The following FAM227A variants were observed in gnomAD, a reference collection of about 807,000 sequenced individuals.
FAM227A encodes the protein protein FAM227A.
FAM227A carries 80 observed loss-of-function variants against 74.7 expected under a neutral mutation model. The observed-to-expected ratio is 1.07, with a 90% confidence interval of 0.89 to 1.29. FAM227A has a LOEUF of 1.29. FAM227A is among the 50% of genes most tolerant of loss of function. The pLI, the probability that FAM227A is intolerant of heterozygous loss-of-function variation, is 0.00. For synonymous variants in FAM227A, 237 were observed against 241.8 expected (o/e 0.98, Z 0.19); for missense variants, 654 against 683.4 (o/e 0.96, Z 0.48).
rs1303880454 is a variant in FAM227A at position 38,582,685 on chromosome 22, G to A, written c.*3440C>T. The A allele has an allele frequency of 5.6e-6, 5 of 888,184 alleles. No individual in the cohort carries two copies. The East Asian group carries it at 1.3e-4, about 24-fold the overall frequency. 55.0% of individuals were successfully genotyped at this position (888,184 alleles called of 1,614,324 possible). The stretch of plus-strand genomic sequence containing the variant: ...GACTGTGCAACAAATGGTCCTGACA[G>A]ACAGAAATGCAGTTTGTCCTGGGCT... On this transcript the variant is annotated 3_prime_UTR_variant, in exon 17 of 17. Coordinates refer to ENST00000535113, the MANE Select transcript of FAM227A (RefSeq NM_001013647.2).
Position 38,579,344 on chromosome 22 carries a change from G to GA in FAM227A, c.*6780dup, listed in dbSNP as rs2090686805. The GA allele has an allele frequency of 6.6e-6, 1 of 152,182 alleles. No homozygotes were observed. The highest frequency in any genetic ancestry group is 2.4e-5 in the African/African-American group (1 of 41,442). The allele number at this position is 152,182 out of a possible 1,614,324, so 9.4% of individuals were successfully genotyped here. On this transcript the variant is annotated 3_prime_UTR_variant, in exon 17 of 17. Transcript: ENST00000535113. The stretch of plus-strand genomic sequence containing the variant: ...TGAAGTATGTGGGCTCCTGTGTGGA[G>GA]AACTGATTGGAGGGGCAAGAGAAAG...
intron 10 of FAM227A, among the ~76,000 whole-genome samples, chr22:38,622,880 A>G (rs952720749): frequency 1.0e-4 from 15 of 150,308 alleles, no homozygotes; most frequent in Non-Finnish European, 1.9e-4. Context: ...TCTCAAAAAA[A>G]AAAAAAAAAA....
chr22:38,613,208 A>G (rs2091472929), intron 11 of FAM227A, among the ~76,000 whole-genome samples: 2 of 69,832 alleles, frequency 2.9e-5, no homozygotes, highest in African/African-American at 6.1e-5. Flanking sequence ...TATATTATAT[A>G]TATCTATGCT....
chr22:38,635,713 C>T (rs1168812774), intron 6 of FAM227A, among the ~76,000 whole-genome samples: 1 of 152,118 alleles, frequency 6.6e-6, no homozygotes, highest in African/African-American at 2.4e-5. Flanking sequence ...AAGCAATTGG[C>T]TGGGCATAGT....
intron 3 of FAM227A, among the ~76,000 whole-genome samples, chr22:38,644,368 T>TGC: frequency 6.6e-6 from 1 of 151,220 alleles, no homozygotes; most frequent in African/African-American, 2.4e-5. Flanking sequence ...GAAACTATGC[T>TGC]GTGTGACACT....
intron 14 of FAM227A, among the ~76,000 whole-genome samples, chr22:38,598,660 C>T (rs569718395): frequency 1.3e-5 from 2 of 152,234 alleles, no homozygotes; most frequent in Non-Finnish European, 2.9e-5. Flanking sequence ...AGACGTGGAT[C>T]ATCCCAGCCC....
chr22:38,620,190 T>G (rs2091657856), intron 11 of FAM227A, 22 bp downstream of exon 11: 1 of 1,536,958 alleles, frequency 6.5e-7, no homozygotes, highest in Admixed American at 2.0e-5. Context: ...AAAGGGGTCC[T>G]GGTCCGTGCC....
intron 12 of FAM227A, among the ~76,000 whole-genome samples, chr22:38,607,176 C>CAAAAAAA (rs528873313): frequency 1.8e-5 from 1 of 55,674 alleles, no homozygotes; most frequent in African/African-American, 6.0e-5. Context: ...GACTTCATCT[C>CAAAAAAA]AAAAAAAAAA....
chr22:38,613,424 T>TATATAATATATATTATATA (rs71197123), intron 11 of FAM227A, among the ~76,000 whole-genome samples: 8 of 113,522 alleles, frequency 7.0e-5, no homozygotes, highest in African/African-American at 1.4e-4. Flanking sequence ...ATATATATAA[T>TATATAATATATATTATATA]TTGTTTGTTT....
chr22:38,613,211 TCTATGCTG>T (rs1199665668), intron 11 of FAM227A, among the ~76,000 whole-genome samples: 1 of 65,980 alleles, frequency 1.5e-5, no homozygotes, highest in Non-Finnish European at 2.6e-5. Flanking sequence ...ATTATATATA[TCTATGCTG>T]TATATATATT....
intron 15 of FAM227A, among the ~76,000 whole-genome samples, chr22:38,595,076 G>A (rs951107625): frequency 3.9e-5 from 6 of 152,206 alleles, no homozygotes; most frequent in South Asian, 4.1e-4. Context: ...GCAGCCTGGC[G>A]ACAGAGCGAG....
At chr22:38,604,599 G>C (rs575388365) in intron 13 of FAM227A, among the ~76,000 whole-genome samples, 2 of 152,322 alleles carry the variant, frequency 1.3e-5, no homozygotes, top group South Asian at 4.1e-4. Context: ...CTCAGGCTCA[G>C]AGCCAGGCAG....
At chr22:38,611,575 G>A (rs975429763) in intron 11 of FAM227A, among the ~76,000 whole-genome samples, 4 of 152,060 alleles carry the variant, frequency 2.6e-5, no homozygotes, top group South Asian at 2.1e-4. Flanking sequence ...TACCAGTCGC[G>A]ATGCCCATTT....
chr22:38,625,465 T>C (rs1188321316), intron 9 of FAM227A, among the ~76,000 whole-genome samples: 1 of 151,424 alleles, frequency 6.6e-6, no homozygotes. Context: ...AGAACCATGA[T>C]TGGCCACTGG....
intron 1 of FAM227A, among the ~76,000 whole-genome samples, chr22:38,654,328 C>T (rs1041280661): frequency 6.6e-6 from 1 of 151,472 alleles, no homozygotes; most frequent in Non-Finnish European, 1.5e-5. Flanking sequence ...GCCTGGGCAA[C>T]AAGAGCAAAA....
intron 1 of FAM227A, among the ~76,000 whole-genome samples, chr22:38,655,039 C>G (rs1309500504): frequency 6.7e-6 from 1 of 148,564 alleles, no homozygotes; most frequent in Non-Finnish European, 1.5e-5. Context: ...ACTTGGGAGG[C>G]GGAGGCAGGA....
chr22:38,605,899 T>A (rs1398766886), intron 12 of FAM227A, among the ~76,000 whole-genome samples: 1 of 152,184 alleles, frequency 6.6e-6, no homozygotes, highest in African/African-American at 2.4e-5. Flanking sequence ...CTCAAAAAAA[T>A]AATAAAGTTT....
rs1210766567 is a variant in FAM227A at position 38,583,359 on chromosome 22, G to C, written c.*2766C>G. 5.9e-6 allele frequency: 1 copy of C among 169,150 alleles called. No individual in the cohort carries two copies. The highest frequency in any genetic ancestry group is 2.4e-5 in the African/African-American group (1 of 41,498). 10.5% of individuals were successfully genotyped at this position (169,150 alleles called of 1,614,324 possible). On this transcript the variant is annotated 3_prime_UTR_variant, in exon 17 of 17. Transcript: ENST00000535113. ...GGCTAATTTTTTTGTATTTTTAGTA[G>C]AGATGGAGTTTCGCCACGTTGGCCA...
intron 3 of FAM227A, among the ~76,000 whole-genome samples, chr22:38,642,506 A>T (rs1372234257): frequency 6.6e-6 from 1 of 152,244 alleles, no homozygotes; most frequent in Non-Finnish European, 1.5e-5. Flanking sequence ...CAATCCATGA[A>T]GGAAATGATA....
Sources: gnomAD v4.1 joint callset for allele counts (sites outside exome capture counted in the v4.1 genomes callset) on GRCh38, gnomAD v4.1.1 for gene constraint, MANE v1.5 for transcripts, NCBI Gene and HGNC (gene_info 2026-07-23, HGNC 2026-07-21) for gene names.